The following CHST12 variants were observed in gnomAD, a reference collection of about 807,000 sequenced individuals.
CHST12 encodes carbohydrate sulfotransferase 12, also known as carbohydrate (chondroitin 4) sulfotransferase 12.
CHST12 carries 23 observed loss-of-function variants against 27.9 expected under a neutral mutation model. That is an observed-to-expected ratio of 0.82 (90% CI 0.59 to 1.17). CHST12 has a LOEUF of 1.17. CHST12 is among the 50% of genes most tolerant of loss of function. The pLI is 0.00. For missense variants in CHST12, 682 were observed against 603.0 expected (o/e 1.13, Z -1.37); for synonymous variants, 322 against 273.0 (o/e 1.18, Z -1.77).
intron 1 of CHST12, among the ~76,000 whole-genome samples, chr7:2,419,135 G>A (rs909065657): frequency 3.3e-5 from 5 of 152,276 alleles, no homozygotes; most frequent in Admixed American, 2.0e-4. Context: ...TTGGCTGGGC[G>A]TGGTGGCTCA....
chr7:2,407,527 T>A (rs756984936), intron 1 of CHST12, among the ~76,000 whole-genome samples: 1 of 152,120 alleles, frequency 6.6e-6, no homozygotes, highest in African/African-American at 2.4e-5. Context: ...CACAAAATAA[T>A]TTCCTAGAAC....
intron 1 of CHST12, among the ~76,000 whole-genome samples, chr7:2,426,870 A>G (rs991684904): frequency 2.0e-5 from 3 of 152,084 alleles, no homozygotes; most frequent in African/African-American, 7.2e-5. Flanking sequence ...GGGCACCTGT[A>G]ATCCTAGCTG....
chr7:2,408,211 A>C lies in CHST12; in HGVS notation c.-78+4538A>C, dbSNP rs150077251. Among the ~76,000 whole-genome samples the C allele has an allele frequency of 4.0e-3, 606 of 151,904 alleles. 7 individuals carry two copies. Among genetic ancestry groups the C allele is most frequent in the African/African-American group, 0.014 (580 of 41,420 alleles). ...ATAGTGAAACCCTGGCTAATACAAAAATTAGCCAGGTATGGTGGCAGGTGC... is the reference window on the plus strand; with the variant it reads ...ATAGTGAAACCCTGGCTAATACAAACATTAGCCAGGTATGGTGGCAGGTGC... On this transcript the variant is annotated intron_variant, in intron 1 of 1. Transcript: ENST00000618655.
chr7:2,426,599 C>T (rs1013468482), intron 1 of CHST12, among the ~76,000 whole-genome samples: 2 of 151,508 alleles, frequency 1.3e-5, no homozygotes, highest in African/African-American at 2.4e-5. Flanking sequence ...AAGGTACTCA[C>T]TCTTGCACCC....
At chr7:2,425,512 A>T (rs1782092717) in intron 1 of CHST12, among the ~76,000 whole-genome samples, 1 of 152,208 alleles carries the variant, frequency 6.6e-6, no homozygotes, top group Non-Finnish European at 1.5e-5. Context: ...TCTGACGGAG[A>T]TGAGTGCCTC....
In CHST12 at chr7:2,444,563, G is replaced by A. The variant is rs1298526522; in HGVS notation, c.*10679G>A. 1 of 152,354 alleles carries A rather than the reference G, an allele frequency of 6.6e-6. No individual in the cohort carries two copies. The highest frequency in any genetic ancestry group is 1.5e-5 in the Non-Finnish European group (1 of 68,128). The allele number at this position is 152,354 out of a possible 1,614,324, so 9.4% of individuals were successfully genotyped here. A position where few individuals can be genotyped will look rare whatever the true frequency, so the allele number is the denominator to read the frequency against. On this transcript the variant is annotated 3_prime_UTR_variant, in exon 2 of 2. Coordinates refer to ENST00000618655, the MANE Select transcript of CHST12 (RefSeq NM_018641.5). ...CAGGGTCCTTCACTCTGTGGCACTG[G>A]CCTCAGCCAGCACCAAGGCTGAAAG...
intron 1 of CHST12, among the ~76,000 whole-genome samples, chr7:2,419,109 C>G (rs980766468): frequency 3.3e-5 from 5 of 152,140 alleles, no homozygotes; most frequent in African/African-American, 9.7e-5. Flanking sequence ...TCCAAACCGC[C>G]TTTTAAAATT....
At position 2,433,445 on chromosome 7, in the gene CHST12, A is replaced by C. The variant is rs139931229; in HGVS notation, c.806A>C (p.Lys269Thr). 42 of 1,610,028 alleles carry C rather than the reference A, an allele frequency of 2.6e-5. No homozygotes were observed. The highest frequency in any genetic ancestry group is 3.4e-5 in the Non-Finnish European group (40 of 1,179,922). The change falls in exon 2 of 2, where the codon AAG becomes ACG. Residue 269 changes from lysine to threonine, a missense_variant. Physicochemically the swap from Lys to Thr is moderately conservative, Grantham distance 78. Transcript: ENST00000618655. This position sits in a 1 kb window ranked among gnomAD's most constrained non-coding sequence, Gnocchi z 6.1. Reference sequence around the variant, plus strand: ...CTGGAGAACGAGGAGTTCTACCGCAAGTTCGCCGTGCCCATGCTGCGGCTG... The same window carrying C: ...CTGGAGAACGAGGAGTTCTACCGCACGTTCGCCGTGCCCATGCTGCGGCTG... ...FELENEEFYR[K>T]FAVPMLRLYA... is the part of the protein sequence containing the mutation.
At chr7:2,431,740 G>A (rs1012899361) in intron 1 of CHST12, among the ~76,000 whole-genome samples, 3 of 152,324 alleles carry the variant, frequency 2.0e-5, no homozygotes, top group Non-Finnish European at 2.9e-5. Context: ...AGGGTGGTGT[G>A]GAAGGTCAGC....
Position 2,433,541 on chromosome 7 carries a change from C to A in CHST12, c.902C>A (p.Ala301Asp). The stretch of plus-strand genomic sequence containing the variant: ...CGCGCTGGCCTCAAGGTGTCCTTCG[C>A]CAACTTCATCCAGTACCTGCTGGAC... The part of the protein sequence containing the change: ...AFRAGLKVSF[A>D]NFIQYLLDPH... Residue 301 changes from alanine (A) to aspartate (D), a missense_variant, in exon 2 of 2, where the codon GCC (alanine) becomes GAC (aspartate). Ala to Asp is a moderately radical substitution (Grantham distance 126, BLOSUM62 -2). Coordinates refer to ENST00000618655, the MANE Select transcript of CHST12 (RefSeq NM_018641.5). This position sits in a 1 kb window ranked among gnomAD's most constrained non-coding sequence, Gnocchi z 6.1. The A allele has an allele frequency of 3.1e-6, 5 of 1,613,246 alleles. No individual in the cohort carries two copies. The highest frequency in any genetic ancestry group is 4.2e-6 in the Non-Finnish European group (5 of 1,179,970).
In CHST12 at chr7:2,433,604, G is replaced by A; in HGVS notation, c.965G>A (p.Trp322Ter). 1.9e-6 allele frequency: 3 copies of A among 1,613,286 alleles called. No individual in the cohort carries two copies. Among genetic ancestry groups the A allele is most frequent in the Non-Finnish European group, 2.5e-6 (3 of 1,179,922 alleles). ...AAGCTGGCGCCCTTCAACGAGCACT[G>A]GCGGCAGGTGTACCGCCTCTGCCAC... Reference protein sequence around the residue: ...TEKLAPFNEHWRQVYRLCHPC... With the variant: ...TEKLAPFNEH The change falls in exon 2 of 2, where the codon TGG (tryptophan) becomes TAG (stop). Residue 322 changes from tryptophan to a stop codon, truncating the protein, a stop_gained. Coordinates refer to ENST00000618655, the MANE Select transcript of CHST12 (RefSeq NM_018641.5). LOFTEE classifies it high-confidence loss of function. This position sits in a 1 kb window ranked among gnomAD's most constrained non-coding sequence, Gnocchi z 6.1.
rs186699740 is a variant in CHST12 at position 2,422,682 on chromosome 7, C to T, written c.-77-9881C>T. 5.8e-3 allele frequency among the ~76,000 whole-genome samples: 882 copies of T among 152,086 alleles called. 12 individuals are homozygous for T. Among genetic ancestry groups the T allele is most frequent in the African/African-American group, 0.02 (841 of 41,496 alleles). ...TCCCCAGTAGCTGGGACTACAGGCA[C>T]ACACCACCACACCCAGCTAATTTTT... On this transcript the variant is annotated intron_variant, in intron 1 of 1. Coordinates refer to ENST00000618655, the MANE Select transcript of CHST12 (RefSeq NM_018641.5).
At chr7:2,422,523 G>A (rs577956647) in intron 1 of CHST12, among the ~76,000 whole-genome samples, 2 of 152,024 alleles carry the variant, frequency 1.3e-5, no homozygotes, top group East Asian at 1.9e-4. Context: ...GGGATTACAG[G>A]CGTGAGCCAC....
chr7:2,433,169 A>G lies in CHST12; in HGVS notation c.530A>G (p.Asn177Ser), dbSNP rs767708312. 1 of 1,613,064 alleles carries G rather than the reference A, an allele frequency of 6.2e-7. No homozygotes were observed. The highest frequency in any genetic ancestry group is 8.5e-7 in the Non-Finnish European group (1 of 1,179,618). ...TACGTGCCCAAGGTGGCCTGCACCA[A>G]CTGGAAGCGCGTGATGATCGTGCTG... ...YCYVPKVACT[N>S]WKRVMIVLSG... The change falls in exon 2 of 2, where the codon AAC (asparagine) becomes AGC (serine). Residue 177 changes from asparagine to serine, a missense_variant. Asn to Ser is a conservative substitution (Grantham distance 46). Transcript: ENST00000618655. This position sits in a 1 kb window ranked among gnomAD's most constrained non-coding sequence, Gnocchi z 6.1.
rs1413333771 is a variant in CHST12, at chr7:2,442,022, T to C, written c.*8138T>C. The C allele has an allele frequency of 1.3e-5, 2 of 152,110 alleles. No homozygotes were observed. The highest frequency in any genetic ancestry group is 2.9e-5 in the Non-Finnish European group (2 of 68,034). The allele number at this position is 152,110 out of a possible 1,614,324, so 9.4% of individuals were successfully genotyped here. ...ATTTACAAAACTGAAACTCTGTCCC[T>C]ATTAAACACTAGCTCCCCATTCCCC... On this transcript the variant is annotated 3_prime_UTR_variant, in exon 2 of 2. Transcript: ENST00000618655.
intron 1 of CHST12, among the ~76,000 whole-genome samples, chr7:2,422,023 T>C (rs1781986783): frequency 6.6e-6 from 1 of 152,194 alleles, no homozygotes; most frequent in Non-Finnish European, 1.5e-5. Context: ...GGCTGAAAAA[T>C]AAGCAGAAGT....
At chr7:2,412,900 T>G (rs1032257028) in intron 1 of CHST12, among the ~76,000 whole-genome samples, 6 of 100,362 alleles carry the variant, frequency 6.0e-5, no homozygotes, top group South Asian at 3.0e-4. Context: ...AATAGACAGT[T>G]TTTTTTTTTT....
At position 2,419,194 on chromosome 7, in the gene CHST12, A is replaced by C. The variant is rs530213174; in HGVS notation, c.-77-13369A>C. ...GAGGCCGAGGCAGGTAGATCACTTG[A>C]GCCCAGGAGTTCAAGACCATCCTGG... On this transcript the variant is annotated intron_variant, in intron 1 of 1. Transcript: ENST00000618655. 5.3e-5 allele frequency among the ~76,000 whole-genome samples: 8 copies of C among 152,168 alleles called. No homozygotes were observed. The East Asian group carries it at 1.4e-3, about 26-fold the overall frequency.
intron 1 of CHST12, among the ~76,000 whole-genome samples, chr7:2,421,670 C>G (rs979164669): frequency 6.6e-6 from 1 of 152,020 alleles, no homozygotes; most frequent in African/African-American, 2.4e-5. Flanking sequence ...CTCCTGAGCT[C>G]AAGTGATCTG....
Sources: allele counts gnomAD v4.1 joint callset (sites outside exome capture counted in the v4.1 genomes callset), GRCh38; gene constraint gnomAD v4.1.1; non-coding constraint Gnocchi (gnomAD v3.1); transcripts MANE v1.5; gene names NCBI Gene and HGNC (gene_info 2026-07-23, HGNC 2026-07-21).